PCM1: variants seen among roughly 807,000 people sequenced by gnomAD.
The protein encoded by PCM1 is pericentriolar material 1 protein.
A neutral mutation model predicts 241.9 loss-of-function variants in PCM1; 157 were observed. The observed-to-expected ratio is 0.65, with a 90% confidence interval of 0.57 to 0.74. The LOEUF (loss-of-function observed/expected upper bound fraction) is 0.74. PCM1 is among the 30% of genes least tolerant of loss of function. The pLI, the probability that PCM1 is intolerant of heterozygous loss-of-function variation, is 0.00. For synonymous variants in PCM1, 1,085 were observed against 784.9 expected (o/e 1.38, Z -6.39); for missense variants, 3,478 against 2,360.1 (o/e 1.47, Z -9.81).
In PCM1 at chr8:17,963,219, C is replaced by T. The variant is rs202145846; in HGVS notation, c.2582C>T (p.Ser861Phe). 18 of 1,613,632 alleles carry T rather than the reference C, an allele frequency of 1.1e-5. No homozygotes were observed. Among genetic ancestry groups the T allele is most frequent in the African/African-American group, 1.3e-5 (1 of 75,034 alleles). The change falls in exon 17 of 39, where the codon TCT becomes TTT. Residue 861 changes from serine (S) to phenylalanine (F), a missense_variant. Coordinates refer to ENST00000325083, the MANE Select transcript of PCM1 (RefSeq NM_006197.4). ...AGGCAAGGTCTAGCTGAAACTGCAT[C>T]TCCAGTGGCTGTGTCATTGAGAAGT... ...QRRQGLAETA[S>F]PVAVSLRSDG... is the part of the protein sequence containing the mutation.
intron 13 of PCM1, among the ~76,000 whole-genome samples, chr8:17,959,744 A>C (rs2070746949): frequency 6.6e-6 from 1 of 152,138 alleles, no homozygotes; most frequent in South Asian, 2.1e-4. Flanking sequence ...TTATTGATAT[A>C]CCGTAGCTTG....
intron 6 of PCM1, among the ~76,000 whole-genome samples, chr8:17,944,434 A>T (rs2063153387): frequency 6.6e-6 from 1 of 152,158 alleles, no homozygotes; most frequent in Non-Finnish European, 1.5e-5. Context: ...GGATCCATTA[A>T]TAATTACTAG....
rs142454812 is a variant in PCM1 at position 18,024,572 on chromosome 8, A to C, written c.5842-789A>C. Among the ~76,000 whole-genome samples the C allele has an allele frequency of 9.8e-5, 15 of 152,298 alleles. 1 individual carries two copies. The East Asian group carries it at 2.5e-3, about 25-fold the overall frequency. On this transcript the variant is annotated intron_variant, in intron 36 of 38. Transcript: ENST00000325083. ...CTGATCATTGTCTAGTTGCCATAGA[A>C]GACATTTAATTGAAATTAAGTCAAA... is the stretch of plus-strand genomic sequence containing the variant.
intron 29 of PCM1, among the ~76,000 whole-genome samples, chr8:18,003,664 C>G (rs1025769939): frequency 6.6e-5 from 10 of 152,068 alleles, no homozygotes; most frequent in Non-Finnish European, 1.2e-4. Context: ...CCAAGAAGCA[C>G]TTAAGATACT....
Position 18,019,638 on chromosome 8 carries a change from A to G in PCM1, c.5841+4798A>G, listed in dbSNP as rs114440750. 8.5e-3 allele frequency among the ~76,000 whole-genome samples: 1,294 copies of G among 152,302 alleles called. 10 individuals are homozygous for G. Among genetic ancestry groups the G allele is most frequent in the African/African-American group, 0.026 (1,094 of 41,574 alleles). ...AGATCTCTGGCATGAGCAGTTCACA[A>G]TAGGGTTCAAGCTCCTACAAGAATC... is the stretch of plus-strand genomic sequence containing the variant. On this transcript the variant is annotated intron_variant, in intron 36 of 38. Coordinates refer to ENST00000325083, the MANE Select transcript of PCM1 (RefSeq NM_006197.4).
intron 6 of PCM1, among the ~76,000 whole-genome samples, chr8:17,946,631 G>C (rs2063864747): frequency 6.6e-6 from 1 of 151,936 alleles, no homozygotes; most frequent in African/African-American, 2.4e-5. Context: ...TGAGTAGCTG[G>C]GATAACAGGC....
At chr8:17,924,860 A>C (rs1167886113) in intron 2 of PCM1, 80 bp downstream of exon 2, 1 of 152,178 alleles carries the variant, frequency 6.6e-6, no homozygotes, top group Non-Finnish European at 1.5e-5. Flanking sequence ...TGTCACAGTT[A>C]CAGTGCATGA....
At chr8:18,015,581 C>CAAAT (rs754651812) in intron 36 of PCM1, 2 of 152,018 alleles carry the variant, frequency 1.3e-5, no homozygotes, top group Non-Finnish European at 2.9e-5. Flanking sequence ...CCACATTTTC[C>CAAAT]AAATAAATAC....
chr8:17,950,592 A>G (rs1312216601), intron 7 of PCM1, 23 bp from the exon 8 acceptor site: 4 of 1,134,504 alleles, frequency 3.5e-6, no homozygotes, highest in Non-Finnish European at 5.3e-6. Context: ...TACATTAATC[A>G]GTAGTTACTA....
chr8:17,930,645 G>C lies in PCM1; in HGVS notation c.-22-4944G>C, dbSNP rs186746606. Among the ~76,000 whole-genome samples the C allele has an allele frequency of 1.8e-4, 27 of 151,804 alleles. No individual in the cohort carries two copies. The East Asian group carries it at 3.0e-3, about 17-fold the overall frequency. On this transcript the variant is annotated intron_variant, in intron 2 of 38. Transcript: ENST00000325083. ...TGTAATCCCAGCACTTTGGGAGGCCGAGGCGGGCGGATCACGAGGTCAGGA... is the reference window on the plus strand; with the variant it reads ...TGTAATCCCAGCACTTTGGGAGGCCCAGGCGGGCGGATCACGAGGTCAGGA...
intron 29 of PCM1, among the ~76,000 whole-genome samples, chr8:18,003,827 G>A (rs936637962): frequency 2.0e-5 from 3 of 151,884 alleles, no homozygotes; most frequent in African/African-American, 7.3e-5. Context: ...TTTTTATATA[G>A]ATATTTATCT....
intron 36 of PCM1, among the ~76,000 whole-genome samples, chr8:18,020,240 C>A (rs2237851): frequency 5.3e-5 from 8 of 152,064 alleles, no homozygotes; most frequent in African/African-American, 1.9e-4. Context: ...GCTTATTATA[C>A]GTTACAGTTA....
In PCM1 at chr8:17,972,655, C is replaced by T. The variant is rs1351447211; in HGVS notation, c.3911C>T (p.Ser1304Phe). The change falls in exon 23 of 39, where the codon TCT becomes TTT. Residue 1304 changes from serine (S) to phenylalanine (F), a missense_variant. Physicochemically the swap from Ser to Phe is radical, Grantham distance 155. Coordinates refer to ENST00000325083, the MANE Select transcript of PCM1 (RefSeq NM_006197.4). ...AAGTCAAAAAGTAAGAAGAGGAATT[C>T]TACTCAGCTGAAAAGCAGAGTTAAA... ...TPKSKSKKRN[S>F]TQLKSRVKNI... 2.5e-6 allele frequency: 4 copies of T among 1,573,366 alleles called. No individual in the cohort carries two copies. The highest frequency in any genetic ancestry group is 3.4e-6 in the Non-Finnish European group (4 of 1,163,142).
At chr8:17,985,733 T>A in intron 25 of PCM1, 114 bp downstream of exon 25, 1 of 852,064 alleles carries the variant, frequency 1.2e-6, no homozygotes, top group Non-Finnish European at 1.8e-6. Context: ...CTGTTCTCTA[T>A]GTGCTTTCTT....
At chr8:18,008,631 A>G (rs1415032527) in intron 30 of PCM1, among the ~76,000 whole-genome samples, 2 of 152,112 alleles carry the variant, frequency 1.3e-5, no homozygotes, top group Non-Finnish European at 2.9e-5. Flanking sequence ...CTTTCTATAT[A>G]AGGCTTTAAT....
intron 30 of PCM1, among the ~76,000 whole-genome samples, chr8:18,006,809 A>G (rs1018836416): frequency 6.6e-6 from 1 of 152,200 alleles, no homozygotes; most frequent in African/African-American, 2.4e-5. Context: ...GTGTACCAGT[A>G]CGCTTAAATT....
intron 36 of PCM1, 109 bp downstream of exon 36, chr8:18,014,949 G>C: frequency 1.1e-6 from 1 of 903,202 alleles, no homozygotes; most frequent in Non-Finnish European, 1.6e-6. Context: ...TTTAGGTTTA[G>C]AACATGTTGG....
intron 36 of PCM1, among the ~76,000 whole-genome samples, chr8:18,015,950 G>A (rs2093140008): frequency 6.6e-6 from 1 of 152,160 alleles, no homozygotes; most frequent in South Asian, 2.1e-4. Context: ...GTGCAGTGGC[G>A]CGATCTCGGC....
At chr8:17,984,725 G>A (rs921571604) in intron 24 of PCM1, among the ~76,000 whole-genome samples, 1 of 151,854 alleles carries the variant, frequency 6.6e-6, no homozygotes, top group African/African-American at 2.4e-5. Context: ...GGATACCTTT[G>A]AGTGTAATAA....
Sources: gnomAD v4.1 joint callset for allele counts (sites outside exome capture counted in the v4.1 genomes callset) on GRCh38, gnomAD v4.1.1 for gene constraint, MANE v1.5 for transcripts, NCBI Gene and HGNC (gene_info 2026-07-23, HGNC 2026-07-21) for gene names.